The following TENM3 variants were observed in gnomAD, a reference collection of about 807,000 sequenced individuals.
TENM3 encodes the protein teneurin transmembrane protein 3, also known as teneurin-3.
A neutral mutation model predicts 255.1 loss-of-function variants in TENM3; 63 were observed. The observed-to-expected ratio is 0.25, with a 90% CI of 0.20 to 0.30. The LOEUF (loss-of-function observed/expected upper bound fraction) is 0.30. Ranked by LOEUF, TENM3 falls within the 10% of genes least tolerant of loss-of-function variation. The pLI is 1.00. For missense variants in TENM3, 2,929 were observed against 3,461.1 expected, an observed-to-expected ratio of 0.85 and a Z score of 3.86; for synonymous variants, 1,306 against 1,322.3, an observed-to-expected ratio of 0.99 and a Z score of 0.27.
intron 4 of TENM3, among the ~76,000 whole-genome samples, chr4:182,611,389 T>C (rs1262327154): frequency 6.6e-6 from 1 of 151,306 alleles, no homozygotes; most frequent in African/African-American, 2.4e-5. Flanking sequence ...TATTTAATTA[T>C]TAAATATATA....
intron 22 of TENM3, among the ~76,000 whole-genome samples, chr4:182,772,816 G>A (rs1341390527): frequency 1.3e-5 from 2 of 151,670 alleles, no homozygotes; most frequent in South Asian, 4.2e-4. Flanking sequence ...TCATTTCAGT[G>A]AACACAGTAA....
chr4:182,749,195 A>T (rs1247599916), intron 19 of TENM3, among the ~76,000 whole-genome samples: 1 of 152,196 alleles, frequency 6.6e-6, no homozygotes, highest in East Asian at 1.9e-4. Flanking sequence ...TTTACCATGA[A>T]TGAATCATCA....
At chr4:181,476,811 C>T in the TENM3 span, among the ~76,000 whole-genome samples, 4 of 152,258 alleles carry the variant, frequency 2.6e-5, no homozygotes, top group Non-Finnish European at 4.4e-5. Context: ...GAGGAAAAAC[C>T]TAATACAGAA....
At chr4:181,994,184 C>T in the TENM3 span, among the ~76,000 whole-genome samples, 1 of 152,034 alleles carries the variant, frequency 6.6e-6, no homozygotes, top group Admixed American at 6.6e-5. Flanking sequence ...TTTTGAAGTG[C>T]ATTGTTTTAC....
chr4:181,500,212 A>G, the TENM3 span, among the ~76,000 whole-genome samples: 1 of 151,836 alleles, frequency 6.6e-6, no homozygotes, highest in African/African-American at 2.4e-5. Context: ...TATTTTTAGT[A>G]GAGAGGGGGT....
upstream of TENM3, among the ~76,000 whole-genome samples, chr4:182,139,653 T>TTA (rs1391088557): frequency 6.6e-6 from 1 of 152,180 alleles, no homozygotes; most frequent in Non-Finnish European, 1.5e-5. Context: ...ATGTAGCAAG[T>TTA]TTTAAATACG....
the TENM3 span, among the ~76,000 whole-genome samples, chr4:182,108,036 G>A: frequency 1.3e-5 from 2 of 152,128 alleles, no homozygotes; most frequent in African/African-American, 4.8e-5. Context: ...TACTGTACTA[G>A]TAAAACAAGT....
intron 3 of TENM3, among the ~76,000 whole-genome samples, chr4:182,373,817 C>T (rs13123380): frequency 0.21 from 32,606 of 152,112 alleles, 4,008 homozygotes; most frequent in African/African-American, 0.32. Context: ...ACTTTCCTAT[C>T]GAGGAGATGC....
At chr4:181,499,527 A>C in the TENM3 span, among the ~76,000 whole-genome samples, 1 of 152,186 alleles carries the variant, frequency 6.6e-6, no homozygotes, top group African/African-American at 2.4e-5. Flanking sequence ...GAAGGGGCAC[A>C]GAGGAGGGAG....
rs766414090 is a variant in TENM3, at chr4:182,161,959, GTATATATATATA to G, written c.-76+17231_-76+17242del. 4.7e-3 allele frequency among the ~76,000 whole-genome samples: 76 copies of G among 16,274 alleles called. 1 individual carries two copies. Among genetic ancestry groups the G allele is most frequent in the African/African-American group, 0.011 (60 of 5,642 alleles). The allele number at this position is 16,274 out of a possible 152,430, so 10.7% of individuals were successfully genotyped here. On this transcript the variant is annotated intron_variant, in intron 1 of 2. Transcript: ENST00000512480. ...CATATATATATTTGTGTGTGTGTGT[GTATATATATATA>G]TATATATATATATATATATATATAT... is the stretch of plus-strand genomic sequence containing the variant.
At chr4:182,093,069 C>T in the TENM3 span, among the ~76,000 whole-genome samples, 2 of 152,124 alleles carry the variant, frequency 1.3e-5, no homozygotes, top group Non-Finnish European at 2.9e-5. Flanking sequence ...GTTAAGTAAA[C>T]CAAAATCTCC....
At chr4:182,433,507 C>A (rs147663847) in intron 3 of TENM3, among the ~76,000 whole-genome samples, 1 of 151,880 alleles carries the variant, frequency 6.6e-6, no homozygotes, top group East Asian at 1.9e-4. Flanking sequence ...AAAGGGAGGA[C>A]GAGAGGAAGG....
chr4:182,590,623 G>A (rs952566120), intron 3 of TENM3, among the ~76,000 whole-genome samples: 13 of 151,522 alleles, frequency 8.6e-5, no homozygotes, highest in Non-Finnish European at 1.3e-4. Context: ...ACTTTGGGGG[G>A]CTGAGGCAGG....
the TENM3 span, among the ~76,000 whole-genome samples, chr4:182,127,825 A>G: frequency 5.3e-5 from 8 of 152,210 alleles, no homozygotes; most frequent in Non-Finnish European, 7.3e-5. Flanking sequence ...AGAAAAGTAT[A>G]TAAACTTGAG....
intron 18 of TENM3, among the ~76,000 whole-genome samples, chr4:182,740,490 A>G (rs1392066390): frequency 6.6e-6 from 1 of 152,240 alleles, no homozygotes; most frequent in African/African-American, 2.4e-5. Flanking sequence ...CAGTTTGAAC[A>G]TATTTCTGTA....
Position 182,788,040 on chromosome 4 carries a change from C to T in TENM3, c.5305-1053C>T, listed in dbSNP as rs756139709. Among the ~76,000 whole-genome samples the T allele has an allele frequency of 1.4e-4, 21 of 152,086 alleles. 1 individual carries two copies. The highest frequency in any genetic ancestry group is 2.8e-4 in the Non-Finnish European group (19 of 68,026). On this transcript the variant is annotated intron_variant, in intron 24 of 27. Coordinates refer to ENST00000511685, the MANE Select transcript of TENM3 (RefSeq NM_001080477.4). Reference sequence around the variant, plus strand: ...ATATACACATATATTTATATATAAACGTGAGTGGTTGTGTGTGTGTGTAAA... The same window carrying T: ...ATATACACATATATTTATATATAAATGTGAGTGGTTGTGTGTGTGTGTAAA...
At chr4:182,352,894 T>C (rs1765274486) in intron 3 of TENM3, among the ~76,000 whole-genome samples, 1 of 152,090 alleles carries the variant, frequency 6.6e-6, no homozygotes, top group Admixed American at 6.6e-5. Context: ...GCAGAATATG[T>C]TATCTGGAAA....
the TENM3 span, among the ~76,000 whole-genome samples, chr4:181,533,866 C>A: frequency 6.6e-6 from 1 of 152,144 alleles, no homozygotes; most frequent in Admixed American, 6.5e-5. Flanking sequence ...CTTGGGTTCC[C>A]CATTATCACT....
rs534270876 is a variant in TENM3 at position 182,245,634 on chromosome 4, C to T, written c.-76+2158C>T. On this transcript the variant is annotated intron_variant, in intron 1 of 27. Coordinates refer to ENST00000511685, the MANE Select transcript of TENM3 (RefSeq NM_001080477.4). ...CCATTCTTTAGATTAATGTGATGAC[C>T]GTAGTCCCTGCCAGAATCTTTTGGA... Among the ~76,000 whole-genome samples, 4 of 152,206 alleles carry T rather than the reference C, an allele frequency of 2.6e-5. No individual in the cohort carries two copies. The South Asian group carries it at 6.2e-4, about 24-fold the overall frequency.
Sources: gnomAD v4.1 joint callset for allele counts (sites outside exome capture counted in the v4.1 genomes callset) on GRCh38, gnomAD v4.1.1 for gene constraint, MANE v1.5 for transcripts, NCBI Gene and HGNC (gene_info 2026-07-23, HGNC 2026-07-21) for gene names.